DST: variants seen among roughly 807,000 people sequenced by gnomAD.
The protein encoded by DST is dystonin.
In DST, 253 loss-of-function variants were observed where a neutral mutation model predicts 875.2. The observed-to-expected ratio is 0.29, with a 90% confidence interval of 0.26 to 0.32. DST has a LOEUF of 0.32. DST is among the 10% of genes least tolerant of loss of function. The pLI, the probability that DST is intolerant of heterozygous loss-of-function variation, is 1.00. For synonymous variants in DST, 3,124 were observed against 3,197.1 expected (o/e 0.98, Z 0.77); for missense variants, 8,287 against 9,111.6 (o/e 0.91, Z 3.68).
intron 37 of DST, among the ~76,000 whole-genome samples, chr6:56,612,495 A>C (rs2098553605): frequency 6.6e-6 from 1 of 152,272 alleles, no homozygotes; most frequent in Non-Finnish European, 1.5e-5. Flanking sequence ...GAAAAGCAAG[A>C]GGTCACACAC....
At chr6:56,849,585 C>G (rs1763964270) in intron 4 of DST, among the ~76,000 whole-genome samples, 1 of 152,212 alleles carries the variant, frequency 6.6e-6, no homozygotes, top group Admixed American at 6.5e-5. Flanking sequence ...AGCATCAGCA[C>G]CTTCATGTAC....
At chr6:56,675,111 TG>T (rs1487088344) in intron 9 of DST, among the ~76,000 whole-genome samples, 1 of 152,230 alleles carries the variant, frequency 6.6e-6, no homozygotes, top group Non-Finnish European at 1.5e-5. Flanking sequence ...CATGCATTTA[TG>T]GTCAATTGAT....
chr6:56,845,550 A>G (rs999080310), intron 4 of DST, among the ~76,000 whole-genome samples: 4 of 152,238 alleles, frequency 2.6e-5, no homozygotes, highest in African/African-American at 9.6e-5. Flanking sequence ...GTTTTCTTAC[A>G]GCTCGATATG....
In DST at chr6:56,592,233, T is replaced by G; in HGVS notation, c.12852A>C (p.Glu4284Asp). 6.2e-7 allele frequency: 1 copy of G among 1,613,636 alleles called. No individual in the cohort carries two copies. Among genetic ancestry groups the G allele is most frequent in the South Asian group, 1.1e-5 (1 of 90,964 alleles). Residue 4284 changes from glutamate (E) to aspartate (D), a missense_variant, in exon 49 of 104, where the codon GAA (glutamate) becomes GAC (aspartate). Physicochemically the swap from Glu to Asp is conservative, Grantham distance 45 (BLOSUM62 2). Coordinates refer to ENST00000680361, the MANE Select transcript of DST (RefSeq NM_001374736.1). Reference protein sequence around the residue: ...CEATASKHLSEPIAVDPKNLQ... With the variant: ...CEATASKHLSDPIAVDPKNLQ... ...GATTTTTGGGGTCCACCGCAATAGGTTCAGATAAGTGTTTGCTCGCTGTGG... is the reference window on the plus strand; with the variant it reads ...GATTTTTGGGGTCCACCGCAATAGGGTCAGATAAGTGTTTGCTCGCTGTGG...
At position 56,562,171 on chromosome 6, in the gene DST, C is replaced by T. The variant is rs775166216; in HGVS notation, c.14035G>A (p.Ala4679Thr). The T allele has an allele frequency of 6.4e-7, 1 of 1,556,646 alleles. No homozygotes were observed. ...GGAVLNGEGT[A>T]TNTEEFWANK... ...GCCCAAAATTCCTCAGTATTTGTGG[C>T]TGTTCCTTCACCATTTAATACTGCT... The change falls in exon 56 of 104, where the codon GCC (alanine) becomes ACC (threonine). Residue 4679 changes from alanine to threonine, a missense_variant. This residue lies in a region of DST where 1,513 missense variants were observed against 1,677.8 expected (regional missense o/e 0.90). Transcript: ENST00000680361.
At chr6:56,478,207 CA>C (rs2095275336) in intron 90 of DST, among the ~76,000 whole-genome samples, 1 of 152,178 alleles carries the variant, frequency 6.6e-6, no homozygotes, top group African/African-American at 2.4e-5. Context: ...TTTAAAATAG[CA>C]TTAACTATGC....
In DST at chr6:56,491,335, G is replaced by A. The variant is rs113324411; in HGVS notation, c.20757+892C>T. 1.9e-3 allele frequency among the ~76,000 whole-genome samples: 282 copies of A among 152,194 alleles called. 1 individual carries two copies. Among genetic ancestry groups the A allele is most frequent in the African/African-American group, 6.7e-3 (278 of 41,540 alleles). On this transcript the variant is annotated intron_variant, in intron 85 of 103. Coordinates refer to ENST00000680361, the MANE Select transcript of DST (RefSeq NM_001374736.1). ...TCAAAACAATGGGGTACAACACTAA[G>A]GCTAGAAAATTGCAGCTGACTGAGG...
At chr6:56,911,806 T>C (rs960254886) in intron 2 of DST, among the ~76,000 whole-genome samples, 3 of 152,222 alleles carry the variant, frequency 2.0e-5, no homozygotes, top group Admixed American at 2.0e-4. Context: ...AAGTGCTTTT[T>C]AATTATAAAT....
rs572598530 is a variant in DST, at chr6:56,572,069, A to C, written c.13721+31T>G. On this transcript the variant is annotated intron_variant, in intron 53 of 103. Transcript: ENST00000680361. ...ATCTCACTCTAATTAATATAAATAG[A>C]ATAAAATATAATTTTTAAAGTGGTA... The C allele has an allele frequency of 6.7e-5, 84 of 1,260,562 alleles. No homozygotes were observed. In the African/African-American group the frequency reaches 1.1e-3, roughly 17 times the overall value. The allele number at this position is 1,260,562 out of a possible 1,614,324, so 78.1% of individuals were successfully genotyped here.
In DST at chr6:56,458,799, T is replaced by G. The variant is rs961791072; in HGVS notation, c.*206A>C. The stretch of plus-strand genomic sequence containing the variant: ...TTAGTTCATGTTAAACTTTTCCTCC[T>G]CACATATGATGTGACTTTAACCCCA... On this transcript the variant is annotated 3_prime_UTR_variant, in exon 104 of 104. Coordinates refer to ENST00000680361, the MANE Select transcript of DST (RefSeq NM_001374736.1). The G allele has an allele frequency of 9.8e-6, 5 of 509,890 alleles. No individual in the cohort carries two copies. Among genetic ancestry groups the G allele is most frequent in the Non-Finnish European group, 1.3e-5 (4 of 305,568 alleles). The allele number at this position is 509,890 out of a possible 1,614,324, so 31.6% of individuals were successfully genotyped here.
intron 4 of DST, among the ~76,000 whole-genome samples, chr6:56,766,775 C>T (rs896428849): frequency 2.6e-5 from 4 of 152,180 alleles, no homozygotes; most frequent in Non-Finnish European, 4.4e-5. Flanking sequence ...AGGTGATCCA[C>T]CCGCCTCAAT....
At chr6:56,909,390 C>A (rs929889437) in intron 2 of DST, among the ~76,000 whole-genome samples, 1 of 152,100 alleles carries the variant, frequency 6.6e-6, no homozygotes. Flanking sequence ...AAACACTTCC[C>A]ACAGCCACTT....
chr6:56,712,087 T>C (rs1347681292), intron 5 of DST, among the ~76,000 whole-genome samples: 1 of 94,438 alleles, frequency 1.1e-5, no homozygotes, highest in African/African-American at 4.2e-5. Flanking sequence ...CGAGACTCCG[T>C]CTCAAAAAAA....
intron 3 of DST, among the ~76,000 whole-genome samples, chr6:56,891,586 A>T (rs1297697687): frequency 1.4e-5 from 2 of 144,850 alleles, no homozygotes; most frequent in Non-Finnish European, 3.0e-5. Context: ...AAAAAAAAAA[A>T]AATTAGCCAG....
chr6:56,945,380 G>C (rs1474379000), intron 2 of DST, among the ~76,000 whole-genome samples: 2 of 152,154 alleles, frequency 1.3e-5, no homozygotes, highest in Non-Finnish European at 2.9e-5. Context: ...ATGGATGAGG[G>C]AGCCATCTAT....
chr6:56,597,431 A>T (rs977140936), intron 47 of DST, among the ~76,000 whole-genome samples: 2 of 152,184 alleles, frequency 1.3e-5, no homozygotes, highest in African/African-American at 4.8e-5. Context: ...CTGGGAAGAC[A>T]AAATGAGTTA....
In DST at chr6:56,487,289, G is replaced by GA. The variant is rs1487780831; in HGVS notation, c.20878-17dup. 4 of 1,519,104 alleles carry GA rather than the reference G, an allele frequency of 2.6e-6. No homozygotes were observed. Among genetic ancestry groups the GA allele is most frequent in the African/African-American group, 2.8e-5 (2 of 71,648 alleles). The allele number at this position is 1,519,104 out of a possible 1,614,324, so 94.1% of individuals were successfully genotyped here. A position where few individuals can be genotyped will look rare whatever the true frequency, so the allele number is the denominator to read the frequency against. On this transcript the variant is annotated splice_polypyrimidine_tract_variant and intron_variant, in intron 86 of 103. Coordinates refer to ENST00000680361, the MANE Select transcript of DST (RefSeq NM_001374736.1). ...TCTGAAACTCCTAAATATTTAACAA[G>GA]AAAAAAATGCGAATTTCTTCTTGGG...
intron 24 of DST, 145 bp from the exon 25 acceptor site, chr6:56,635,098 T>C: frequency 1.5e-6 from 1 of 674,676 alleles, no homozygotes; most frequent in Non-Finnish European, 2.5e-6. Context: ...CTCCACCCCA[T>C]CTTGTATCCC....
intron 4 of DST, among the ~76,000 whole-genome samples, chr6:56,827,799 T>C (rs574492861): frequency 1.3e-5 from 2 of 152,238 alleles, no homozygotes; most frequent in African/African-American, 4.8e-5. Flanking sequence ...ATGTAAAATA[T>C]ATGTGTGGAG....
Sources: allele counts gnomAD v4.1 joint callset (sites outside exome capture counted in the v4.1 genomes callset), GRCh38; gene constraint gnomAD v4.1.1; regional missense constraint gnomAD v4.1.1; transcripts MANE v1.5; gene names NCBI Gene and HGNC (gene_info 2026-07-23, HGNC 2026-07-21).